KCNMB2: variants seen among roughly 807,000 people sequenced by gnomAD.
KCNMB2 encodes calcium-activated potassium channel subunit beta-2.
Under a neutral mutation model 24.5 loss-of-function variants are expected in KCNMB2, and 9 were observed. The observed-to-expected ratio is 0.37, with a 90% CI of 0.22 to 0.64. The LOEUF is 0.64. KCNMB2 is among the 30% of genes least tolerant of loss of function. The pLI is 0.63. For synonymous variants in KCNMB2, 109 were observed against 104.4 expected, an observed-to-expected ratio of 1.04 and a Z score of -0.27; for missense variants, 226 against 284.3, an observed-to-expected ratio of 0.79 and a Z score of 1.47.
intron 1 of KCNMB2, among the ~76,000 whole-genome samples, chr3:178,616,700 T>C (rs1345101295): frequency 6.6e-6 from 1 of 152,224 alleles, no homozygotes; most frequent in African/African-American, 2.4e-5. Context: ...TAACTTGGTG[T>C]CCTTGTCGGA....
chr3:178,625,433 C>T (rs1032905640), intron 1 of KCNMB2, among the ~76,000 whole-genome samples: 1 of 152,226 alleles, frequency 6.6e-6, no homozygotes, highest in Non-Finnish European at 1.5e-5. Context: ...TCACCAGGCC[C>T]AGCCGCTTGC....
intron 1 of KCNMB2, among the ~76,000 whole-genome samples, chr3:178,700,127 G>T (rs1455603532): frequency 6.6e-6 from 1 of 152,152 alleles, no homozygotes. Context: ...GCCTACAGAA[G>T]ACACTCACTT....
At chr3:178,634,844 T>C (rs898075927) in intron 1 of KCNMB2, among the ~76,000 whole-genome samples, 9 of 152,078 alleles carry the variant, frequency 5.9e-5, no homozygotes, top group Non-Finnish European at 1.2e-4. Flanking sequence ...GTATATTTGT[T>C]TGAATTGTTT....
chr3:178,765,628 T>C (rs1186483388), intron 1 of KCNMB2, among the ~76,000 whole-genome samples: 1 of 152,222 alleles, frequency 6.6e-6, no homozygotes, highest in East Asian at 1.9e-4. Flanking sequence ...TGTGTGTGTG[T>C]GCACGCGCGT....
At chr3:178,591,488 T>C (rs1717671681) in intron 1 of KCNMB2, among the ~76,000 whole-genome samples, 1 of 152,156 alleles carries the variant, frequency 6.6e-6, no homozygotes, top group African/African-American at 2.4e-5. Flanking sequence ...CCCCAAGCCT[T>C]CTCAGGAGGA....
At chr3:178,617,834 C>T (rs1718765317) in intron 1 of KCNMB2, among the ~76,000 whole-genome samples, 3 of 144,808 alleles carry the variant, frequency 2.1e-5, no homozygotes, top group South Asian at 2.2e-4. Flanking sequence ...GAGATTGCAG[C>T]GAGCCAAGAT....
chr3:178,757,231 G>A (rs1347886318), intron 1 of KCNMB2: 2 of 143,672 alleles, frequency 1.4e-5, no homozygotes, highest in Admixed American at 7.1e-5. Context: ...TGAAAATTGT[G>A]GTACACACAT....
At chr3:178,607,722 C>A (rs894108598) in intron 1 of KCNMB2, among the ~76,000 whole-genome samples, 1 of 152,030 alleles carries the variant, frequency 6.6e-6, no homozygotes, top group African/African-American at 2.4e-5. Context: ...ATACTAAAGA[C>A]AAAGCTTTAA....
chr3:178,691,107 CTTT>C lies in KCNMB2; in HGVS notation c.-67-116218_-67-116216del, dbSNP rs71181241. Among the ~76,000 whole-genome samples the C allele has an allele frequency of 8.8e-5, 7 of 79,736 alleles. 1 individual carries two copies. Among genetic ancestry groups the C allele is most frequent in the African/African-American group, 3.1e-4 (5 of 16,306 alleles). The allele number at this position is 79,736 out of a possible 152,430, so 52.3% of individuals were successfully genotyped here. A position where few individuals can be genotyped will look rare whatever the true frequency, so the allele number is the denominator to read the frequency against. On this transcript the variant is annotated intron_variant, in intron 1 of 4. Coordinates refer to ENST00000452583, the MANE Select transcript of KCNMB2 (RefSeq NM_181361.3). ...TGTACAGCATAATTCCCCATTAAGT[CTTT>C]TTTTTTTTTTTTTTTTTGATAGAGA...
At chr3:178,806,683 CATAATAATAATAATA>C (rs61194423) in intron 1 of KCNMB2, among the ~76,000 whole-genome samples, 2 of 147,786 alleles carry the variant, frequency 1.4e-5, no homozygotes, top group African/African-American at 5.0e-5. Flanking sequence ...AAAGCCAAGT[CATAATAATAATAATA>C]ATAATAATAA....
At chr3:178,584,478 C>T (rs1021388392) in intron 1 of KCNMB2, among the ~76,000 whole-genome samples, 1 of 140,938 alleles carries the variant, frequency 7.1e-6, no homozygotes, top group Non-Finnish European at 1.6e-5. Flanking sequence ...ATAGTACTTA[C>T]CTCACAGAGC....
chr3:178,798,851 G>T (rs370561581), intron 1 of KCNMB2, among the ~76,000 whole-genome samples: 1 of 151,436 alleles, frequency 6.6e-6, no homozygotes, highest in African/African-American at 2.4e-5. Flanking sequence ...TAACAAACCT[G>T]CACATCCTGC....
chr3:178,714,006 T>C (rs918401969), intron 1 of KCNMB2, among the ~76,000 whole-genome samples: 14 of 152,180 alleles, frequency 9.2e-5, no homozygotes, highest in African/African-American at 3.4e-4. Flanking sequence ...ATTATCTTCT[T>C]AAACTCTCAA....
chr3:178,649,516 G>T (rs1349822804), intron 1 of KCNMB2, among the ~76,000 whole-genome samples: 2 of 150,734 alleles, frequency 1.3e-5, no homozygotes, highest in Admixed American at 1.3e-4. Context: ...TTTTTTGGTT[G>T]GTAGGCTATT....
intron 1 of KCNMB2, among the ~76,000 whole-genome samples, chr3:178,607,653 A>G (rs2169626): frequency 0.012 from 1,710 of 143,418 alleles, 28 homozygotes; most frequent in African/African-American, 0.047. Context: ...GTGTGTGTGT[A>G]TGTGTGCATA....
chr3:178,718,039 T>C (rs544648144), intron 1 of KCNMB2, among the ~76,000 whole-genome samples: 2 of 152,318 alleles, frequency 1.3e-5, no homozygotes, highest in African/African-American at 2.4e-5. Flanking sequence ...ACATGACTTA[T>C]CCCTTTTGTA....
intron 1 of KCNMB2, among the ~76,000 whole-genome samples, chr3:178,640,887 T>C (rs2108548420): frequency 6.6e-6 from 1 of 152,300 alleles, no homozygotes; most frequent in East Asian, 1.9e-4. Context: ...TCTCTGGGTC[T>C]GTGTCTAGGT....
chr3:178,573,182 T>C (rs989184324), intron 1 of KCNMB2, among the ~76,000 whole-genome samples: 3 of 152,064 alleles, frequency 2.0e-5, no homozygotes, highest in African/African-American at 7.2e-5. Flanking sequence ...CAAATTTTTG[T>C]ATTTTTAGTA....
At chr3:178,584,628 T>C (rs1577028285) in intron 1 of KCNMB2, among the ~76,000 whole-genome samples, 1 of 152,128 alleles carries the variant, frequency 6.6e-6, no homozygotes, top group African/African-American at 2.4e-5. Flanking sequence ...AGTAAATTTA[T>C]AGTTTTTAAG....
Sources: gnomAD v4.1 joint callset for allele counts (sites outside exome capture counted in the v4.1 genomes callset) on GRCh38, gnomAD v4.1.1 for gene constraint, MANE v1.5 for transcripts, NCBI Gene and HGNC (gene_info 2026-07-23, HGNC 2026-07-21) for gene names.